The following HMBOX1 variants were observed in gnomAD, a reference collection of about 807,000 sequenced individuals.
The protein encoded by HMBOX1 is homeobox-containing protein 1.
In HMBOX1, 14 loss-of-function variants were observed where a neutral mutation model predicts 54.5. That is an observed-to-expected ratio of 0.26 (90% CI 0.17 to 0.40). HMBOX1 has a LOEUF of 0.40. Ranked by LOEUF, HMBOX1 falls within the 10% of genes least tolerant of loss-of-function variation. The probability of loss-of-function intolerance (pLI) is 1.00; values close to 1 mark genes in which losing one functional copy is unlikely to be tolerated. For missense variants in HMBOX1, 332 were observed against 514.4 expected (o/e 0.65, Z 3.43); for synonymous variants, 160 against 181.0 (o/e 0.88, Z 0.93).
At chr8:28,908,703 C>G (rs1400832864) in intron 1 of HMBOX1, among the ~76,000 whole-genome samples, 5 of 151,986 alleles carry the variant, frequency 3.3e-5, no homozygotes, top group Non-Finnish European at 7.4e-5. Flanking sequence ...TGCAGTGAGC[C>G]TACAGTGAGC....
intron 1 of HMBOX1, among the ~76,000 whole-genome samples, chr8:28,923,965 TTTG>T (rs766829566): frequency 9.2e-5 from 14 of 152,260 alleles, no homozygotes; most frequent in South Asian, 2.1e-4. Flanking sequence ...AGGCTGTTTT[TTTG>T]TTGTTGTTGT....
chr8:29,002,240 C>G (rs1344989510), intron 4 of HMBOX1, among the ~76,000 whole-genome samples: 1 of 152,148 alleles, frequency 6.6e-6, no homozygotes, highest in African/African-American at 2.4e-5. Context: ...CTCCATAGGG[C>G]TGCTTGAGTG....
At chr8:29,044,327 G>T (rs1254962891) in intron 6 of HMBOX1, among the ~76,000 whole-genome samples, 1 of 152,190 alleles carries the variant, frequency 6.6e-6, no homozygotes. Flanking sequence ...CTGATTGGAA[G>T]TTTCCAAGTT....
intron 3 of HMBOX1, among the ~76,000 whole-genome samples, chr8:28,976,259 G>A (rs1828347914): frequency 6.6e-6 from 1 of 152,032 alleles, no homozygotes; most frequent in South Asian, 2.1e-4. Flanking sequence ...TCAATGTTTA[G>A]TATTTTTACA....
intron 6 of HMBOX1, among the ~76,000 whole-genome samples, chr8:29,043,927 A>T (rs1316613674): frequency 1.3e-5 from 2 of 152,186 alleles, no homozygotes; most frequent in Non-Finnish European, 2.9e-5. Flanking sequence ...GAGATGCTCA[A>T]ATAAAGCAGA....
chr8:28,929,182 C>G (rs1331470432), intron 1 of HMBOX1, among the ~76,000 whole-genome samples: 1 of 152,062 alleles, frequency 6.6e-6, no homozygotes, highest in Admixed American at 6.6e-5. Context: ...AGGCGTGGTA[C>G]AAAATGAGTA....
At chr8:28,944,462 A>C (rs1208931516) in intron 1 of HMBOX1, among the ~76,000 whole-genome samples, 1 of 152,188 alleles carries the variant, frequency 6.6e-6, no homozygotes, top group Non-Finnish European at 1.5e-5. Flanking sequence ...TTACCAAGAA[A>C]AGTTTTTCTG....
chr8:29,009,461 A>G (rs1833921883), intron 5 of HMBOX1: 2 of 977,444 alleles, frequency 2.0e-6, no homozygotes, highest in Admixed American at 1.3e-4. Flanking sequence ...AAAGAACGCT[A>G]TGAATGTTCA....
At chr8:29,046,561 T>A (rs544566493) in intron 7 of HMBOX1, 14 of 152,352 alleles carry the variant, frequency 9.2e-5, no homozygotes, top group African/African-American at 3.1e-4. Flanking sequence ...TAATGGATAG[T>A]CATAGCGGCC....
intron 6 of HMBOX1, among the ~76,000 whole-genome samples, chr8:29,021,578 A>G (rs1040929190): frequency 1.3e-5 from 2 of 152,086 alleles, no homozygotes; most frequent in Non-Finnish European, 2.9e-5. Context: ...TCAATCGGCC[A>G]GGCGCGGTGG....
At position 29,018,794 on chromosome 8, in the gene HMBOX1, A is replaced by G; in HGVS notation, c.732A>G (p.Pro244=). The G allele has an allele frequency of 6.2e-7, 1 of 1,614,156 alleles. No individual in the cohort carries two copies. Among genetic ancestry groups the G allele is most frequent in the Non-Finnish European group, 8.5e-7 (1 of 1,179,986 alleles). The change falls in exon 6 of 10, where the codon CCA becomes CCG. Residue 244 remains proline, a synonymous_variant. Transcript: ENST00000287701. ...ATLSMRPAPI[P]IEDPEWRQTP... ...TAAGTATGAGACCAGCCCCCATTCC[A>G]ATAGAGGACCCTGAATGGAGACAAA... is the stretch of plus-strand genomic sequence containing the variant.
At chr8:28,992,407 A>G (rs570628678) in intron 4 of HMBOX1, among the ~76,000 whole-genome samples, 10 of 152,158 alleles carry the variant, frequency 6.6e-5, no homozygotes, top group Non-Finnish European at 1.3e-4. Context: ...TTTTTCATTC[A>G]TGTCTCTCCA....
At chr8:28,933,837 G>A (rs891109964) in intron 1 of HMBOX1, among the ~76,000 whole-genome samples, 10 of 152,082 alleles carry the variant, frequency 6.6e-5, no homozygotes, top group South Asian at 2.1e-4. Flanking sequence ...AAAACCTTTC[G>A]TGCAAAGAAA....
chr8:28,922,206 A>G (rs1817672335), intron 1 of HMBOX1, among the ~76,000 whole-genome samples: 1 of 152,200 alleles, frequency 6.6e-6, no homozygotes, highest in African/African-American at 2.4e-5. Context: ...CAGTCAGACA[A>G]CCATTTACGT....
intron 4 of HMBOX1, among the ~76,000 whole-genome samples, chr8:29,004,218 G>C (rs753319080): frequency 6.6e-6 from 1 of 152,156 alleles, no homozygotes; most frequent in Non-Finnish European, 1.5e-5. Context: ...GAATGGTCTG[G>C]TACCCTGGAG....
intron 1 of HMBOX1, among the ~76,000 whole-genome samples, chr8:28,916,015 G>T (rs977936822): frequency 6.6e-6 from 1 of 152,176 alleles, no homozygotes; most frequent in East Asian, 1.9e-4. Context: ...ATTCGGACTA[G>T]CCAGATTTCA....
intron 6 of HMBOX1, among the ~76,000 whole-genome samples, chr8:29,030,441 A>C (rs1586600212): frequency 6.6e-6 from 1 of 150,500 alleles, no homozygotes; most frequent in Admixed American, 6.6e-5. Context: ...CTAGTCTTGA[A>C]CTCCCAACCT....
At chr8:29,044,962 A>G (rs1454568939) in intron 6 of HMBOX1, among the ~76,000 whole-genome samples, 2 of 152,238 alleles carry the variant, frequency 1.3e-5, no homozygotes, top group Non-Finnish European at 2.9e-5. Flanking sequence ...CCTAAATAAT[A>G]TAACTCTGTG....
At chr8:29,038,271 T>G (rs1218557932) in intron 6 of HMBOX1, among the ~76,000 whole-genome samples, 2 of 152,240 alleles carry the variant, frequency 1.3e-5, no homozygotes, top group African/African-American at 2.4e-5. Context: ...TGTCATTGTC[T>G]GGCAAAAGAT....
Sources: allele counts gnomAD v4.1 joint callset (sites outside exome capture counted in the v4.1 genomes callset), GRCh38; gene constraint gnomAD v4.1.1; transcripts MANE v1.5; gene names NCBI Gene and HGNC (gene_info 2026-07-23, HGNC 2026-07-21).